Variants in NRG3 observed in about 807,000 individuals in gnomAD.
NRG3 encodes pro-neuregulin-3, membrane-bound isoform.
In NRG3, 31 loss-of-function variants were observed where a neutral mutation model predicts 66.9. That is an observed-to-expected ratio of 0.46 (90% CI 0.35 to 0.63). NRG3 has a LOEUF of 0.63. Among genes scored for constraint, NRG3 ranks in the 20% least tolerant of loss-of-function variants. The pLI is 0.00. For synonymous variants in NRG3, 393 were observed against 359.4 expected (o/e 1.09, Z -1.06); for missense variants, 910 against 878.9 (o/e 1.04, Z -0.45).
At chr10:82,412,975 T>C (rs569817144) in intron 2 of NRG3, among the ~76,000 whole-genome samples, 3 of 152,322 alleles carry the variant, frequency 2.0e-5, no homozygotes, top group African/African-American at 7.2e-5. Flanking sequence ...TTTCACTACA[T>C]CTGCAGTTAC....
intron 2 of NRG3, among the ~76,000 whole-genome samples, chr10:82,477,957 A>G (rs1841933016): frequency 6.6e-6 from 1 of 152,218 alleles, no homozygotes; most frequent in Non-Finnish European, 1.5e-5. Flanking sequence ...AGGGATAAGG[A>G]AAACGGGACT....
intron 3 of NRG3, among the ~76,000 whole-genome samples, chr10:82,755,223 T>C (rs980365865): frequency 1.3e-5 from 2 of 152,152 alleles, no homozygotes; most frequent in African/African-American, 4.8e-5. Context: ...ATAGACCCTG[T>C]AGCCAGACAT....
intron 1 of NRG3, among the ~76,000 whole-genome samples, chr10:82,051,200 G>A (rs1347664527): frequency 6.6e-6 from 1 of 152,046 alleles, no homozygotes; most frequent in Non-Finnish European, 1.5e-5. Flanking sequence ...ACAGATAAAA[G>A]GACATTAATT....
At chr10:82,884,006 G>C (rs1436559730) in intron 4 of NRG3, among the ~76,000 whole-genome samples, 1 of 150,014 alleles carries the variant, frequency 6.7e-6, no homozygotes, top group East Asian at 2.0e-4. Context: ...ATGCAATTCT[G>C]TCTATTTAAA....
chr10:82,167,577 T>G (rs1287362971), intron 1 of NRG3, among the ~76,000 whole-genome samples: 4 of 152,066 alleles, frequency 2.6e-5, no homozygotes, highest in East Asian at 1.9e-4. Flanking sequence ...ACTTATTATA[T>G]TTTTTATATG....
chr10:82,318,426 T>G (rs1348345090), intron 1 of NRG3, among the ~76,000 whole-genome samples: 1 of 152,226 alleles, frequency 6.6e-6, no homozygotes, highest in South Asian at 2.1e-4. Context: ...GGTTTAAGAT[T>G]ACCGTGTTTC....
At chr10:82,188,385 G>A (rs78410027) in intron 1 of NRG3, among the ~76,000 whole-genome samples, 12,835 of 152,110 alleles carry the variant, frequency 0.084, 834 homozygotes, top group East Asian at 0.22. Context: ...AAATATCTAG[G>A]ACATTGGTCT....
chr10:82,338,878 T>C (rs1589766728), intron 1 of NRG3, among the ~76,000 whole-genome samples: 1 of 152,222 alleles, frequency 6.6e-6, no homozygotes, highest in Admixed American at 6.5e-5. Context: ...TACAAAGCAT[T>C]AAGTTGGATA....
At chr10:82,852,251 A>G (rs2063594638) in intron 3 of NRG3, among the ~76,000 whole-genome samples, 1 of 152,058 alleles carries the variant, frequency 6.6e-6, no homozygotes, top group African/African-American at 2.4e-5. Context: ...ATGAGAACAC[A>G]TGGACACAGG....
chr10:82,396,522 T>A (rs996386765), intron 2 of NRG3, among the ~76,000 whole-genome samples: 1 of 152,208 alleles, frequency 6.6e-6, no homozygotes, highest in African/African-American at 2.4e-5. Context: ...GCAACACAGC[T>A]ACACACTTGC....
chr10:82,371,740 G>A (rs1486539504), intron 2 of NRG3, among the ~76,000 whole-genome samples: 1 of 152,170 alleles, frequency 6.6e-6, no homozygotes, highest in Non-Finnish European at 1.5e-5. Context: ...AGGTCTCAGG[G>A]TGCTTCCACT....
chr10:82,856,200 G>A (rs1051892525), intron 3 of NRG3, among the ~76,000 whole-genome samples: 1 of 152,074 alleles, frequency 6.6e-6, no homozygotes, highest in Non-Finnish European at 1.5e-5. Flanking sequence ...TTAACCAGAT[G>A]GCATTTTTAC....
intron 3 of NRG3, among the ~76,000 whole-genome samples, chr10:82,774,080 A>T (rs1314185224): frequency 6.6e-6 from 1 of 152,032 alleles, no homozygotes; most frequent in Non-Finnish European, 1.5e-5. Context: ...AATTTTTTTG[A>T]CGTGTTGCTA....
chr10:82,619,000 G>GA lies in NRG3; in HGVS notation c.954-119568dup, dbSNP rs995125063. On this transcript the variant is annotated intron_variant, in intron 2 of 8. Coordinates refer to ENST00000372141, the MANE Select transcript of NRG3 (RefSeq NM_001010848.4). ...ATAAAGGTGTAATCATGTATACTTAGAAAAAAAAATTTAAATTCTTCTGCA... is the reference window on the plus strand; with the variant it reads ...ATAAAGGTGTAATCATGTATACTTAGAAAAAAAAAATTTAAATTCTTCTGCA... Among the ~76,000 whole-genome samples, 6 of 150,426 alleles carry GA rather than the reference G, an allele frequency of 4.0e-5. No homozygotes were observed. In the South Asian group the frequency reaches 8.4e-4, roughly 21 times the overall value.
At chr10:81,884,355 G>T (rs1842428583) in intron 1 of NRG3, among the ~76,000 whole-genome samples, 1 of 152,136 alleles carries the variant, frequency 6.6e-6, no homozygotes, top group Admixed American at 6.5e-5. Context: ...TGGGTTTTCT[G>T]TCTAAGGAGA....
intron 7 of NRG3, 82 bp from the exon 8 acceptor site, chr10:82,978,868 A>C (rs1225903461): frequency 3.5e-6 from 5 of 1,437,596 alleles, no homozygotes; most frequent in Non-Finnish European, 4.7e-6. Context: ...CAGTGTTTGC[A>C]AAGCTTGAGC....
intron 1 of NRG3, among the ~76,000 whole-genome samples, chr10:82,306,154 T>C (rs1256359974): frequency 5.9e-5 from 9 of 152,220 alleles, no homozygotes; most frequent in Non-Finnish European, 1.2e-4. Flanking sequence ...AATAGATCTT[T>C]GATTATTGAA....
chr10:82,410,160 T>C (rs1954640), intron 2 of NRG3, among the ~76,000 whole-genome samples: 61,354 of 151,926 alleles, frequency 0.4, 15,130 homozygotes, highest in African/African-American at 0.69. Context: ...TTGGTAAAGA[T>C]GATGACTGCT....
At chr10:82,140,359 A>G (rs1590262433) in intron 1 of NRG3, among the ~76,000 whole-genome samples, 1 of 152,334 alleles carries the variant, frequency 6.6e-6, no homozygotes, top group East Asian at 1.9e-4. Flanking sequence ...TTTGTTTAAC[A>G]GTGGCTTCTT....
Sources: gnomAD v4.1 joint callset for allele counts (sites outside exome capture counted in the v4.1 genomes callset) on GRCh38, gnomAD v4.1.1 for gene constraint, MANE v1.5 for transcripts, NCBI Gene and HGNC (gene_info 2026-07-23, HGNC 2026-07-21) for gene names.